Variants in CEP89 observed in about 807,000 individuals in gnomAD.
CEP89 encodes centrosomal protein 89.
Under a neutral mutation model 97.6 loss-of-function variants are expected in CEP89, and 95 were observed. The observed-to-expected ratio is 0.97, with a 90% CI of 0.82 to 1.15. The LOEUF is 1.15. Ranked by LOEUF, CEP89 falls within the 50% of genes most tolerant of loss-of-function variation. CEP89 has a pLI of 0.00. For missense variants in CEP89, 869 were observed against 947.7 expected (o/e 0.92, Z 1.09); for synonymous variants, 354 against 349.1 (o/e 1.01, Z -0.16).
At chr19:32,914,766 A>T (rs1970084461) in intron 14 of CEP89, among the ~76,000 whole-genome samples, 1 of 152,150 alleles carries the variant, frequency 6.6e-6, no homozygotes, top group Non-Finnish European at 1.5e-5. Context: ...TTACACCTGT[A>T]ATTCCAGCAC....
chr19:32,935,696 A>G (rs1345967664), intron 7 of CEP89, among the ~76,000 whole-genome samples: 1 of 152,130 alleles, frequency 6.6e-6, no homozygotes, highest in Admixed American at 6.5e-5. Context: ...GCCCATCTAG[A>G]GTGGCCACCG....
chr19:32,911,533 G>C (rs1356227576), intron 14 of CEP89, among the ~76,000 whole-genome samples: 1 of 152,178 alleles, frequency 6.6e-6, no homozygotes, highest in Non-Finnish European at 1.5e-5. Context: ...CGTGCCTGTG[G>C]TCCCAGCTAC....
At chr19:32,918,961 T>C (rs1970191887) in intron 12 of CEP89, among the ~76,000 whole-genome samples, 1 of 148,544 alleles carries the variant, frequency 6.7e-6, no homozygotes, top group Admixed American at 6.9e-5. Context: ...CTCGGCTCAC[T>C]GCAAGCTCTG....
chr19:32,960,357 C>T (rs73035566), intron 2 of CEP89, among the ~76,000 whole-genome samples: 23,201 of 151,992 alleles, frequency 0.15, 2,057 homozygotes, highest in Non-Finnish European at 0.21. Context: ...AGCCTACATT[C>T]AAGTAGTTTT....
chr19:32,939,811 A>T, intron 6 of CEP89, 46 bp downstream of exon 6: 1 of 890,738 alleles, frequency 1.1e-6, no homozygotes, highest in Non-Finnish European at 1.8e-6. Flanking sequence ...TTATGATAAA[A>T]ACTCTATTTA....
intron 11 of CEP89, among the ~76,000 whole-genome samples, chr19:32,924,256 A>C (rs1318471366): frequency 2.0e-5 from 3 of 152,092 alleles, no homozygotes; most frequent in Admixed American, 6.5e-5. Flanking sequence ...GACTCCCAAA[A>C]TGCTGGGATT....
At chr19:32,879,438 C>A in intron 18 of CEP89, 60 bp from the exon 19 acceptor site, 2 of 1,378,486 alleles carry the variant, frequency 1.5e-6, no homozygotes, top group Non-Finnish European at 2.0e-6. Context: ...CCATATGAAT[C>A]CCAAAGTAGC....
Position 32,968,219 on chromosome 19 carries a change from C to T in CEP89, c.40-1753G>A, listed in dbSNP as rs200406601. Among the ~76,000 whole-genome samples, 25 of 152,320 alleles carry T rather than the reference C, an allele frequency of 1.6e-4. No individual in the cohort carries two copies. In the East Asian group the frequency reaches 3.5e-3, roughly 21 times the overall value. On this transcript the variant is annotated intron_variant, in intron 1 of 18. Transcript: ENST00000305768. The stretch of plus-strand genomic sequence containing the variant: ...TTCCATGTTTCCACCCTGCCCCCCT[C>T]CACCACCTGCTACACGACAAGAAAT...
intron 5 of CEP89, 65 bp downstream of exon 5, chr19:32,948,201 T>C: frequency 2.3e-6 from 2 of 879,042 alleles, no homozygotes; most frequent in East Asian, 2.7e-5. Flanking sequence ...TTCCTAAAAA[T>C]AAGCAATATT....
intron 14 of CEP89, among the ~76,000 whole-genome samples, chr19:32,907,462 T>C (rs894056098): frequency 4.6e-5 from 7 of 152,000 alleles, no homozygotes. Context: ...TCTATTTTTT[T>C]TTTTTTTTTG....
In CEP89 at chr19:32,882,008, G is replaced by A. The variant is rs1166550889; in HGVS notation, c.1971C>T (p.Tyr657=). The part of the protein sequence containing the change: ...LGKLEEKVKG[Y]KKQAALKLGD... ...CCAGCTTCAGTGCTGCCTGCTTCTT[G>A]TAGCCCTGGTCGGGGGAAGGACTCT... The change falls in exon 18 of 19, where the codon TAC becomes TAT. Residue 657 remains tyrosine (Y), a synonymous_variant. Transcript: ENST00000305768. 2.6e-6 allele frequency: 4 copies of A among 1,567,400 alleles called. No homozygotes were observed. Among genetic ancestry groups the A allele is most frequent in the Non-Finnish European group, 3.5e-6 (4 of 1,156,096 alleles).
At chr19:32,926,663 G>A (rs1272994517) in intron 10 of CEP89, among the ~76,000 whole-genome samples, 2 of 152,214 alleles carry the variant, frequency 1.3e-5, no homozygotes, top group Non-Finnish European at 2.9e-5. Flanking sequence ...CCGGGTTCAA[G>A]CGATTCTCCT....
intron 14 of CEP89, among the ~76,000 whole-genome samples, chr19:32,910,074 A>T (rs1166567920): frequency 6.6e-6 from 1 of 152,224 alleles, no homozygotes; most frequent in Admixed American, 6.5e-5. Context: ...CAGCCTGGCC[A>T]ACATGGTGAA....
chr19:32,926,065 CTCTAATAAACATTTGGTTA>C (rs2145921497), intron 11 of CEP89, 106 bp downstream of exon 11: 1 of 728,784 alleles, frequency 1.4e-6, no homozygotes, highest in East Asian at 2.5e-5. Flanking sequence ...CCTTTCTGTC[CTCTAATAAACATTTGGTTA>C]TCTATAATAT....
At chr19:32,964,274 C>T (rs28673957) in intron 2 of CEP89, among the ~76,000 whole-genome samples, 7,278 of 152,012 alleles carry the variant, frequency 0.048, 603 homozygotes, top group African/African-American at 0.17. Context: ...CAGGTTCAGG[C>T]GATTCTCGTG....
chr19:32,910,033 G>A (rs1284033013), intron 14 of CEP89, among the ~76,000 whole-genome samples: 1 of 152,218 alleles, frequency 6.6e-6, no homozygotes, highest in African/African-American at 2.4e-5. Context: ...GGCTGAGGCA[G>A]GCAGAATGCT....
chr19:32,894,953 C>A (rs1969609166), intron 16 of CEP89, among the ~76,000 whole-genome samples: 1 of 152,144 alleles, frequency 6.6e-6, no homozygotes, highest in African/African-American at 2.4e-5. Context: ...TTGAACAGAC[C>A]ATTAACAAAT....
chr19:32,971,013 C>G (rs1043142848), intron 1 of CEP89: 1 of 152,102 alleles, frequency 6.6e-6, no homozygotes, highest in African/African-American at 2.4e-5. Context: ...AGGACAAGAC[C>G]CTGTCTCTAA....
Position 32,879,189 on chromosome 19 carries a change from G to A in CEP89, c.2325C>T (p.Asp775=). ...LLDGCDVCSY[D]LKSHAPTC Reference sequence around the variant, plus strand: ...AGCAGGTGGGGGCATGAGACTTCAGGTCATAGGAGCAGACATCGCAGCCGT... The same window carrying A: ...AGCAGGTGGGGGCATGAGACTTCAGATCATAGGAGCAGACATCGCAGCCGT... Residue 775 remains aspartate, a synonymous_variant, in exon 19 of 19, where the codon GAC becomes GAT. Coordinates refer to ENST00000305768, the MANE Select transcript of CEP89 (RefSeq NM_032816.5). 1 of 1,613,646 alleles carries A rather than the reference G, an allele frequency of 6.2e-7. No homozygotes were observed. The highest frequency in any genetic ancestry group is 8.5e-7 in the Non-Finnish European group (1 of 1,179,712).
Sources: gnomAD v4.1 joint callset for allele counts (sites outside exome capture counted in the v4.1 genomes callset) on GRCh38, gnomAD v4.1.1 for gene constraint, MANE v1.5 for transcripts, NCBI Gene and HGNC (gene_info 2026-07-23, HGNC 2026-07-21) for gene names.